Variants in PARD3B observed in about 807,000 individuals in gnomAD.
PARD3B encodes par-3 family cell polarity regulator beta, also known as partitioning defective 3 homolog B.
PARD3B carries 103 observed loss-of-function variants against 130.2 expected under a neutral mutation model. The ratio of observed to expected loss-of-function variants is 0.79; its 90% CI spans 0.67 to 0.93. The LOEUF (loss-of-function observed/expected upper bound fraction) is 0.93. Among genes scored for constraint, PARD3B ranks in the 40% least tolerant of loss-of-function variants. PARD3B has a pLI of 0.00. For missense variants in PARD3B, 1,609 were observed against 1,499.2 expected (o/e 1.07, Z -1.21); for synonymous variants, 583 against 553.2 (o/e 1.05, Z -0.76).
chr2:204,824,707 C>A (rs1459178638), intron 2 of PARD3B, among the ~76,000 whole-genome samples: 4 of 152,078 alleles, frequency 2.6e-5, no homozygotes, highest in Non-Finnish European at 4.4e-5. Context: ...TTTCCTAGTC[C>A]TCCCAGTTCT....
At chr2:205,342,950 T>C (rs2043597074) in intron 18 of PARD3B, among the ~76,000 whole-genome samples, 1 of 152,194 alleles carries the variant, frequency 6.6e-6, no homozygotes, top group Non-Finnish European at 1.5e-5. Flanking sequence ...ATTATTACTT[T>C]GTCCTCAAAA....
chr2:204,603,465 C>G lies in PARD3B; in HGVS notation c.120+57346C>G, dbSNP rs1054393934. On this transcript the variant is annotated intron_variant, in intron 1 of 22. Coordinates refer to ENST00000406610, the MANE Select transcript of PARD3B (RefSeq NM_001302769.2). ...GTTAAGTACTGAGAAGTAAAGTAATCCACAAAGTCAGTGGAAATTGTTTGG... is the reference window on the plus strand; with the variant it reads ...GTTAAGTACTGAGAAGTAAAGTAATGCACAAAGTCAGTGGAAATTGTTTGG... Among the ~76,000 whole-genome samples, 4 of 152,056 alleles carry G rather than the reference C, an allele frequency of 2.6e-5. 1 individual carries two copies. In the South Asian group the frequency reaches 6.2e-4, roughly 24 times the overall value.
At chr2:205,054,910 C>T (rs573867556) in intron 4 of PARD3B, among the ~76,000 whole-genome samples, 2 of 152,062 alleles carry the variant, frequency 1.3e-5, no homozygotes, top group Non-Finnish European at 2.9e-5. Flanking sequence ...TTCCCTTTAG[C>T]CTGCACTTTG....
At chr2:205,203,350 C>T (rs1410452674) in intron 15 of PARD3B, among the ~76,000 whole-genome samples, 1 of 151,300 alleles carries the variant, frequency 6.6e-6, no homozygotes, top group Non-Finnish European at 1.5e-5. Context: ...TTATTTTGTA[C>T]TGAGGCTCTG....
intron 2 of PARD3B, among the ~76,000 whole-genome samples, chr2:204,832,777 G>A (rs907303454): frequency 3.3e-5 from 5 of 152,146 alleles, no homozygotes; most frequent in African/African-American, 9.7e-5. Flanking sequence ...CTCTCCCTCA[G>A]TGTAGTAGTG....
intron 19 of PARD3B, among the ~76,000 whole-genome samples, chr2:205,408,891 T>C (rs1488168081): frequency 1.3e-5 from 2 of 152,156 alleles, no homozygotes; most frequent in Non-Finnish European, 2.9e-5. Context: ...TCCCAATTTA[T>C]TATTACTAGT....
chr2:205,137,305 G>T (rs141420446), intron 10 of PARD3B, among the ~76,000 whole-genome samples: 105 of 152,272 alleles, frequency 6.9e-4, no homozygotes, highest in African/African-American at 2.4e-3. Context: ...AGAGAAAAAA[G>T]TTCCAGAAAT....
rs190565879 is a variant in PARD3B, at chr2:205,258,335, C to A, written c.2185+12513C>A. On this transcript the variant is annotated intron_variant, in intron 16 of 22. Coordinates refer to ENST00000406610, the MANE Select transcript of PARD3B (RefSeq NM_001302769.2). The surrounding 1 kb of genome is among the most constrained non-coding windows in gnomAD (Gnocchi z 4.9). ...CCTTTGCACATGCATTCGATTAGCC[C>A]AGAGTGATCTTCCACTCTATACGGC... 1.2e-3 allele frequency among the ~76,000 whole-genome samples: 184 copies of A among 152,238 alleles called. No homozygotes were observed. Among genetic ancestry groups the A allele is most frequent in the African/African-American group, 4.2e-3 (173 of 41,538 alleles).
At chr2:205,180,296 T>C (rs1444092389) in intron 13 of PARD3B, among the ~76,000 whole-genome samples, 1 of 151,844 alleles carries the variant, frequency 6.6e-6, no homozygotes, top group African/African-American at 2.4e-5. Flanking sequence ...TGTAAGTCTA[T>C]TGATTTAGAG....
chr2:205,537,799 A>G (rs993283645), intron 21 of PARD3B, among the ~76,000 whole-genome samples: 11 of 152,312 alleles, frequency 7.2e-5, no homozygotes, highest in African/African-American at 1.9e-4. Context: ...AATGTAATAA[A>G]ATGCATATTT....
rs1366302701 is a variant in PARD3B at position 205,280,552 on chromosome 2, G to A, written c.2186-19978G>A. 1.3e-5 allele frequency among the ~76,000 whole-genome samples: 2 copies of A among 152,302 alleles called. No homozygotes were observed. Among genetic ancestry groups the A allele is most frequent in the East Asian group, 3.9e-4 (2 of 5,186 alleles). The stretch of plus-strand genomic sequence containing the variant: ...TCTTTTTTCTTAAGGGAGGGCTTTG[G>A]TTCTCAGAGAATATCAAATTCCGAT... On this transcript the variant is annotated intron_variant, in intron 16 of 22. Coordinates refer to ENST00000406610, the MANE Select transcript of PARD3B (RefSeq NM_001302769.2). The surrounding 1 kb of genome is among the most constrained non-coding windows in gnomAD (Gnocchi z 4.7).
At chr2:205,362,942 G>T (rs2044447299) in intron 18 of PARD3B, among the ~76,000 whole-genome samples, 2 of 152,064 alleles carry the variant, frequency 1.3e-5, no homozygotes, top group Admixed American at 1.3e-4. Context: ...CGTTAGAAAG[G>T]TCTAGAACAA....
At chr2:205,252,605 A>T (rs2039896453) in intron 16 of PARD3B, among the ~76,000 whole-genome samples, 1 of 152,168 alleles carries the variant, frequency 6.6e-6, no homozygotes, top group South Asian at 2.1e-4. Context: ...TGAGAACATG[A>T]AACATCATGG....
intron 2 of PARD3B, among the ~76,000 whole-genome samples, chr2:204,873,243 G>A (rs1183993061): frequency 6.6e-6 from 1 of 152,144 alleles, no homozygotes; most frequent in Non-Finnish European, 1.5e-5. Flanking sequence ...CACACAATTT[G>A]ACTAGGCTTC....
intron 18 of PARD3B, among the ~76,000 whole-genome samples, chr2:205,308,058 A>G (rs141575910): frequency 6.6e-6 from 1 of 152,350 alleles, no homozygotes; most frequent in African/African-American, 2.4e-5. Context: ...GTTTGCCCAT[A>G]TCATTTGATT....
At chr2:205,213,477 T>A (rs1249809461) in intron 15 of PARD3B, among the ~76,000 whole-genome samples, 1 of 152,120 alleles carries the variant, frequency 6.6e-6, no homozygotes, top group Non-Finnish European at 1.5e-5. Flanking sequence ...AATGAGTGAA[T>A]GAATAGTGTT....
intron 3 of PARD3B, among the ~76,000 whole-genome samples, chr2:204,994,781 A>G (rs2125252635): frequency 6.9e-6 from 1 of 145,778 alleles, no homozygotes; most frequent in Non-Finnish European, 1.5e-5. Context: ...GGGTGCATAA[A>G]TATTTAGGAT....
chr2:205,261,626 T>G (rs989784980), intron 16 of PARD3B, among the ~76,000 whole-genome samples: 8 of 152,174 alleles, frequency 5.3e-5, no homozygotes, highest in Admixed American at 4.6e-4. Context: ...AATGGAAAAT[T>G]CCTTTCAATA....
rs564648606 is a variant in PARD3B at position 204,890,595 on chromosome 2, C to T, written c.223-74557C>T. Among the ~76,000 whole-genome samples the T allele has an allele frequency of 6.6e-6, 1 of 152,234 alleles. No individual in the cohort carries two copies. The highest frequency in any genetic ancestry group is 6.5e-5 in the Admixed American group (1 of 15,282). ...TCCCCCCACCACATCCCCTTATAGT[C>T]TTTGTCTGAGGATTTCACTATAAAT... is the stretch of plus-strand genomic sequence containing the variant. On this transcript the variant is annotated intron_variant, in intron 2 of 22. Transcript: ENST00000406610. The surrounding 1 kb of genome is among the most constrained non-coding windows in gnomAD (Gnocchi z 4.9).
Sources: allele counts gnomAD v4.1 joint callset (sites outside exome capture counted in the v4.1 genomes callset), GRCh38; gene constraint gnomAD v4.1.1; non-coding constraint Gnocchi (gnomAD v3.1); transcripts MANE v1.5; gene names NCBI Gene and HGNC (gene_info 2026-07-23, HGNC 2026-07-21).